PLXNA1: variants seen among roughly 807,000 people sequenced by gnomAD.
PLXNA1 encodes the protein plexin-A1.
PLXNA1 carries 77 observed loss-of-function variants against 191.7 expected under a neutral mutation model. The observed-to-expected ratio is 0.40, with a 90% CI of 0.33 to 0.49. PLXNA1 has a LOEUF of 0.49. Ranked by LOEUF, PLXNA1 falls within the 20% of genes least tolerant of loss-of-function variation. The pLI, the probability that PLXNA1 is intolerant of heterozygous loss-of-function variation, is 0.63. For missense variants in PLXNA1, 2,110 were observed against 2,660.2 expected, an observed-to-expected ratio of 0.79 and a Z score of 4.55; for synonymous variants, 1,137 against 1,156.4, an observed-to-expected ratio of 0.98 and a Z score of 0.34.
At chr3:126,983,942 G>T (rs2078944637) in intron 1 of PLXNA1, among the ~76,000 whole-genome samples, 1 of 152,192 alleles carries the variant, frequency 6.6e-6, no homozygotes, top group Non-Finnish European at 1.5e-5. Flanking sequence ...GCTCCCACTG[G>T]CCCGGAGTGC....
chr3:127,029,136 C>G (rs749269580), intron 26 of PLXNA1, 40 bp downstream of exon 26: 8 of 1,497,940 alleles, frequency 5.3e-6, no homozygotes, highest in Non-Finnish European at 7.4e-6. Context: ...GGCCTCCCTC[C>G]CCTTGGGGCT....
intron 3 of PLXNA1, among the ~76,000 whole-genome samples, chr3:126,992,592 C>A (rs1222891980): frequency 1.3e-5 from 2 of 151,992 alleles, no homozygotes; most frequent in East Asian, 1.9e-4. Context: ...CCTCAGCTTC[C>A]CTCTGTGAAA....
Position 127,033,247 on chromosome 3 carries a change from C to T in PLXNA1, c.5595+411C>T, listed in dbSNP as rs547372000. 4.7e-4 allele frequency among the ~76,000 whole-genome samples: 71 copies of T among 152,334 alleles called. No individual in the cohort carries two copies. In the South Asian group the frequency reaches 7.7e-3, roughly 16 times the overall value. On this transcript the variant is annotated intron_variant, in intron 31 of 31. Coordinates refer to ENST00000393409, the MANE Select transcript of PLXNA1 (RefSeq NM_032242.4). ...TTTCTGCTGACTTGGAGTGAGGCCACGTACATGGACCTGGGGACGGGGTCC... is the reference window on the plus strand; with the variant it reads ...TTTCTGCTGACTTGGAGTGAGGCCATGTACATGGACCTGGGGACGGGGTCC...
rs556796554 is a variant in PLXNA1 at position 126,983,839 on chromosome 3, CG to C, written c.-74+557del. 6.6e-3 allele frequency among the ~76,000 whole-genome samples: 1,009 copies of C among 152,142 alleles called. 7 individuals are homozygous for C. The highest frequency in any genetic ancestry group is 0.011 in the Non-Finnish European group (740 of 67,936). On this transcript the variant is annotated intron_variant, in intron 1 of 31. Coordinates refer to ENST00000393409, the MANE Select transcript of PLXNA1 (RefSeq NM_032242.4). ...GGATCGGAGCCTCCCAGCAGGGCCG[CG>C]GGGGCCGGAGGAGGTCGTGCAGGCT... is the stretch of plus-strand genomic sequence containing the variant.
chr3:127,000,278 G>T (rs1159586153), intron 3 of PLXNA1, among the ~76,000 whole-genome samples: 3 of 152,156 alleles, frequency 2.0e-5, no homozygotes, highest in African/African-American at 7.2e-5. Context: ...CCGTTCCCAT[G>T]CCCGGGACAC....
intron 3 of PLXNA1, among the ~76,000 whole-genome samples, chr3:127,000,011 GGGGT>G (rs910957266): frequency 1.3e-5 from 2 of 152,106 alleles, no homozygotes; most frequent in African/African-American, 4.8e-5. Flanking sequence ...CCGCCAGCCA[GGGGT>G]GGGTGGGGGC....
intron 31 of PLXNA1, 108 bp downstream of exon 31, chr3:127,032,944 C>T (rs1052812827): frequency 8.4e-7 from 1 of 1,194,886 alleles, no homozygotes. Flanking sequence ...TCTGGGCTGC[C>T]ACTGACCACC....
chr3:127,035,614 TAATC>T lies in PLXNA1; in HGVS notation c.*1599_*1602del, dbSNP rs761149587. Reference sequence around the variant, plus strand: ...TAGACCCTTTTTTATGTTTTTTAATTAATCAGTCACTTGTAAAAGCAAACAAGCG... The same window carrying T: ...TAGACCCTTTTTTATGTTTTTTAATTAGTCACTTGTAAAAGCAAACAAGCG... On this transcript the variant is annotated 3_prime_UTR_variant, in exon 32 of 32. Coordinates refer to ENST00000393409, the MANE Select transcript of PLXNA1 (RefSeq NM_032242.4). 1.8e-4 allele frequency: 28 copies of T among 152,638 alleles called. No individual in the cohort carries two copies. Among genetic ancestry groups the T allele is most frequent in the Middle Eastern group, 3.2e-3 (1 of 316 alleles). The allele number at this position is 152,638 out of a possible 1,614,324, so 9.5% of individuals were successfully genotyped here. A position where few individuals can be genotyped will look rare whatever the true frequency, so the allele number is the denominator to read the frequency against.
chr3:127,027,868 C>T lies in PLXNA1; in HGVS notation c.4363-72C>T, dbSNP rs528466862. 1.4e-5 allele frequency: 22 copies of T among 1,594,780 alleles called. No homozygotes were observed. The East Asian group carries it at 2.7e-4, about 20-fold the overall frequency. On this transcript the variant is annotated intron_variant, in intron 23 of 31. Coordinates refer to ENST00000393409, the MANE Select transcript of PLXNA1 (RefSeq NM_032242.4). ...TGCCAGGAACACCATGGCTGGCACT[C>T]GACGGGTGGAGGGGCAGGTTGGGGG...
rs757384564 is a variant in PLXNA1 at position 127,032,604 on chromosome 3, G to A, written c.5444+5G>A. On this transcript the variant is annotated splice_donor_5th_base_variant and intron_variant, in intron 30 of 31. Coordinates refer to ENST00000393409, the MANE Select transcript of PLXNA1 (RefSeq NM_032242.4). ...CTACAAGAGCTGGGTGGAGAGGTAG[G>A]TGGAGGGTGCAGGGGTCGGGGGCAG... is the stretch of plus-strand genomic sequence containing the variant. 1 of 1,613,236 alleles carries A rather than the reference G, an allele frequency of 6.2e-7. No individual in the cohort carries two copies. The highest frequency in any genetic ancestry group is 2.2e-5 in the East Asian group (1 of 44,874).
intron 9 of PLXNA1, among the ~76,000 whole-genome samples, chr3:127,010,932 G>A (rs976223531): frequency 1.3e-5 from 2 of 152,176 alleles, no homozygotes; most frequent in African/African-American, 4.8e-5. Flanking sequence ...GGCGCTCACG[G>A]GCAGCCTAGC....
At position 126,991,480 on chromosome 3, in the gene PLXNA1, G is replaced by T. The variant is rs772478941; in HGVS notation, c.1291G>T (p.Asp431Tyr). 1 of 1,612,732 alleles carries T rather than the reference G, an allele frequency of 6.2e-7. No individual in the cohort carries two copies. Among genetic ancestry groups the T allele is most frequent in the East Asian group, 2.2e-5 (1 of 44,870 alleles). Residue 431 changes from aspartate (D) to tyrosine (Y), a missense_variant, in exon 3 of 32, where the codon GAT becomes TAT. Transcript: ENST00000393409. Reference sequence around the variant, plus strand: ...GGGGACGCCCCTGTTCGTGGACAAGGATGATGGCCTGACCGCCGTGGCTGC... The same window carrying T: ...GGGGACGCCCCTGTTCGTGGACAAGTATGATGGCCTGACCGCCGTGGCTGC... ...IEGTPLFVDK[D>Y]DGLTAVAAYD... is the part of the protein sequence containing the mutation.
At chr3:126,995,164 C>T (rs373310568) in intron 3 of PLXNA1, among the ~76,000 whole-genome samples, 1 of 152,194 alleles carries the variant, frequency 6.6e-6, no homozygotes. Flanking sequence ...CTGCCAACTT[C>T]GGCTATGGGG....
At chr3:126,994,870 A>G (rs1188892223) in intron 3 of PLXNA1, among the ~76,000 whole-genome samples, 1 of 151,748 alleles carries the variant, frequency 6.6e-6, no homozygotes, top group Non-Finnish European at 1.5e-5. Context: ...GCCTGTTCAC[A>G]TAGGGCTTCT....
intron 3 of PLXNA1, among the ~76,000 whole-genome samples, chr3:127,002,931 A>G (rs905669363): frequency 1.3e-5 from 2 of 151,810 alleles, no homozygotes; most frequent in Admixed American, 1.3e-4. Context: ...CCGACAACCA[A>G]CATCCCTCCT....
At chr3:126,990,603 G>T (rs1004082121) in intron 2 of PLXNA1, among the ~76,000 whole-genome samples, 1 of 152,212 alleles carries the variant, frequency 6.6e-6, no homozygotes, top group South Asian at 2.1e-4. Context: ...GCTGGCCATC[G>T]CAGGGGAAGG....
At chr3:127,003,514 C>T (rs767819039) in intron 4 of PLXNA1, 44 bp downstream of exon 4, 3 of 1,544,850 alleles carry the variant, frequency 1.9e-6, no homozygotes, top group Admixed American at 3.6e-5. Context: ...AGGTGGGGGC[C>T]CTCCTACCAG....
intron 3 of PLXNA1, among the ~76,000 whole-genome samples, chr3:127,002,276 G>C (rs990438342): frequency 6.6e-6 from 1 of 152,240 alleles, no homozygotes; most frequent in South Asian, 2.1e-4. Flanking sequence ...GCTTGGTGGC[G>C]AGGCAGCTGA....
intron 1 of PLXNA1, among the ~76,000 whole-genome samples, chr3:126,986,299 C>T (rs2078958870): frequency 6.6e-6 from 1 of 152,136 alleles, no homozygotes; most frequent in Non-Finnish European, 1.5e-5. Flanking sequence ...GAGGCGGGGG[C>T]GGGAGTGGGG....
Sources: allele counts gnomAD v4.1 joint callset (sites outside exome capture counted in the v4.1 genomes callset), GRCh38; gene constraint gnomAD v4.1.1; transcripts MANE v1.5; gene names NCBI Gene and HGNC (gene_info 2026-07-23, HGNC 2026-07-21).